Variants in EYS observed in about 807,000 individuals in gnomAD.
EYS encodes EGF-like photoreceptor maintenance factor.
In EYS, 250 loss-of-function variants were observed where a neutral mutation model predicts 282.1. That is an observed-to-expected ratio of 0.89 (90% confidence interval 0.80 to 0.98). The LOEUF (loss-of-function observed/expected upper bound fraction) is 0.98. Ranked by LOEUF, EYS falls within the 50% of genes least tolerant of loss-of-function variation. EYS has a pLI of 0.00. For synonymous variants in EYS, 1,355 were observed against 1,282.9 expected, an observed-to-expected ratio of 1.06 and a Z score of -1.20; for missense variants, 4,016 against 3,709.0, an observed-to-expected ratio of 1.08 and a Z score of -2.15.
chr6:65,193,362 C>G (rs997780281), intron 12 of EYS, among the ~76,000 whole-genome samples: 11 of 151,816 alleles, frequency 7.2e-5, no homozygotes, highest in Admixed American at 6.6e-4. Context: ...TCCTTTGTAA[C>G]CCTGAAAATT....
intron 26 of EYS, among the ~76,000 whole-genome samples, chr6:64,579,920 T>C (rs1766005841): frequency 6.6e-6 from 1 of 152,128 alleles, no homozygotes; most frequent in Admixed American, 6.6e-5. Context: ...CATTGACCTG[T>C]TCAAAGTCAC....
chr6:63,845,477 G>C (rs1250036748), intron 36 of EYS, among the ~76,000 whole-genome samples: 2 of 151,444 alleles, frequency 1.3e-5, no homozygotes, highest in African/African-American at 4.9e-5. Context: ...GATGTTAAAG[G>C]AATAAACCGC....
rs368614316 is a variant in EYS, at chr6:64,255,593, C to A, written c.6192-24769G>T. Among the ~76,000 whole-genome samples the A allele has an allele frequency of 1.2e-4, 19 of 152,022 alleles. No homozygotes were observed. In the East Asian group the frequency reaches 3.3e-3, roughly 26 times the overall value. ...GATTAAACAGATTACCATTTGTATA[C>A]TAGAGAGGTGTTATTGCTGTTTTAA... On this transcript the variant is annotated intron_variant, in intron 30 of 42. Coordinates refer to ENST00000503581, the MANE Select transcript of EYS (RefSeq NM_001142800.2).
At chr6:63,838,084 C>G (rs1161670662) in intron 36 of EYS, among the ~76,000 whole-genome samples, 1 of 152,140 alleles carries the variant, frequency 6.6e-6, no homozygotes, top group African/African-American at 2.4e-5. Context: ...AGTGGTTCAT[C>G]ATATCCTCTT....
intron 31 of EYS, among the ~76,000 whole-genome samples, chr6:64,213,111 G>A (rs1765829233): frequency 6.6e-6 from 1 of 152,108 alleles, no homozygotes; most frequent in African/African-American, 2.4e-5. Flanking sequence ...GGAAGAGGGA[G>A]AGGATCAGGA....
At chr6:64,694,955 G>A (rs1770523537) in intron 22 of EYS, among the ~76,000 whole-genome samples, 1 of 151,990 alleles carries the variant, frequency 6.6e-6, no homozygotes, top group African/African-American at 2.4e-5. Flanking sequence ...AGTAAAGCAG[G>A]CTACACTACC....
intron 12 of EYS, among the ~76,000 whole-genome samples, chr6:65,252,329 C>A (rs1767348741): frequency 1.3e-5 from 2 of 151,854 alleles, no homozygotes; most frequent in African/African-American, 4.8e-5. Context: ...AATAGACCAC[C>A]AACCACATCA....
intron 31 of EYS, among the ~76,000 whole-genome samples, chr6:64,225,744 G>A (rs1766234663): frequency 6.6e-6 from 1 of 152,094 alleles, no homozygotes; most frequent in African/African-American, 2.4e-5. Flanking sequence ...GCTGAGCCCA[G>A]TGTTCCCTGC....
At chr6:65,185,109 T>G (rs1194789156) in intron 12 of EYS, among the ~76,000 whole-genome samples, 2 of 151,792 alleles carry the variant, frequency 1.3e-5, no homozygotes, top group Non-Finnish European at 2.9e-5. Flanking sequence ...ATATAACATT[T>G]CATTTTTATC....
intron 2 of EYS, among the ~76,000 whole-genome samples, chr6:65,537,138 G>A (rs923278911): frequency 2.0e-5 from 3 of 152,102 alleles, no homozygotes; most frequent in Non-Finnish European, 1.5e-5. Flanking sequence ...ATAAGTGGGA[G>A]TTGAACAGTG....
At chr6:64,827,907 A>G (rs896978752) in intron 19 of EYS, among the ~76,000 whole-genome samples, 8 of 151,910 alleles carry the variant, frequency 5.3e-5, no homozygotes, top group African/African-American at 1.9e-4. Flanking sequence ...AAATCCAGAA[A>G]CAACAAAAAA....
intron 2 of EYS, among the ~76,000 whole-genome samples, chr6:65,605,755 A>G (rs1765765235): frequency 6.6e-6 from 1 of 151,786 alleles, no homozygotes; most frequent in African/African-American, 2.4e-5. Flanking sequence ...AGATAGCCAC[A>G]CTTTTTTGAG....
chr6:65,052,149 A>C (rs934124904), intron 13 of EYS, among the ~76,000 whole-genome samples: 3 of 151,520 alleles, frequency 2.0e-5, no homozygotes, highest in African/African-American at 7.2e-5. Flanking sequence ...ATTTTAAGGA[A>C]ATAGTTATAA....
chr6:64,626,325 T>C lies in EYS; in HGVS notation c.3444-80A>G, dbSNP rs997503910. 22 of 1,465,846 alleles carry C rather than the reference T, an allele frequency of 1.5e-5. No homozygotes were observed. The Middle Eastern group carries it at 8.9e-4, about 59-fold the overall frequency. 90.8% of individuals were successfully genotyped at this position (1,465,846 alleles called of 1,614,324 possible). A position where few individuals can be genotyped will look rare whatever the true frequency, so the allele number is the denominator to read the frequency against. Reference sequence around the variant, plus strand: ...CACTTTTCATCTTGGGATTCCATCATTCAAACGTGTTTTCAGAGCTCCAAC... The same window carrying C: ...CACTTTTCATCTTGGGATTCCATCACTCAAACGTGTTTTCAGAGCTCCAAC... On this transcript the variant is annotated intron_variant, in intron 22 of 42. Transcript: ENST00000503581.
chr6:65,300,871 C>T (rs1444242459), intron 11 of EYS: 1 of 152,144 alleles, frequency 6.6e-6, no homozygotes, highest in Non-Finnish European at 1.5e-5. Context: ...TAGATTTTTA[C>T]TTAATTTCTC....
Position 64,590,896 on chromosome 6 carries a change from A to T in EYS, c.4971T>A (p.Val1657=). 6.4e-7 allele frequency: 1 copy of T among 1,550,544 alleles called. No individual in the cohort carries two copies. Among genetic ancestry groups the T allele is most frequent in the Non-Finnish European group, 8.7e-7 (1 of 1,146,632 alleles). ...AACAAGTCTTATCCAAACATAAATT[A>T]ACATCCAAATTACTTGATAGGGTAA... is the stretch of plus-strand genomic sequence containing the variant. ...ESITLSSNLD[V]NLCLDKTCLS... The change falls in exon 26 of 43, where the codon GTT becomes GTA. Residue 1657 remains valine (V), a synonymous_variant. Coordinates refer to ENST00000503581, the MANE Select transcript of EYS (RefSeq NM_001142800.2).
At chr6:65,397,231 G>GT (rs1766311791) in intron 7 of EYS, among the ~76,000 whole-genome samples, 2 of 151,848 alleles carry the variant, frequency 1.3e-5, no homozygotes, top group African/African-American at 4.8e-5. Context: ...TACAAGTGCA[G>GT]TTTTTTGTTT....
At chr6:64,024,047 G>A (rs1769343692) in intron 33 of EYS, among the ~76,000 whole-genome samples, 1 of 152,192 alleles carries the variant, frequency 6.6e-6, no homozygotes, top group Non-Finnish European at 1.5e-5. Context: ...TGCTGCCCGA[G>A]CCTCCCCGAT....
At chr6:64,656,440 G>A (rs756779669) in intron 22 of EYS, among the ~76,000 whole-genome samples, 1 of 152,126 alleles carries the variant, frequency 6.6e-6, no homozygotes, top group Non-Finnish European at 1.5e-5. Context: ...TTCCAAGACA[G>A]GAATACCTTA....
Sources: allele counts gnomAD v4.1 joint callset (sites outside exome capture counted in the v4.1 genomes callset), GRCh38; gene constraint gnomAD v4.1.1; transcripts MANE v1.5; gene names NCBI Gene and HGNC (gene_info 2026-07-23, HGNC 2026-07-21).